Variants in SDK1 observed in about 807,000 individuals in gnomAD.
SDK1 encodes protein sidekick-1.
SDK1 carries 157 observed loss-of-function variants against 245.5 expected under a neutral mutation model. The ratio of observed to expected loss-of-function variants is 0.64; its 90% confidence interval spans 0.56 to 0.73. The LOEUF (loss-of-function observed/expected upper bound fraction) is 0.73. Ranked by LOEUF, SDK1 falls within the 30% of genes least tolerant of loss-of-function variation. The pLI, the probability that SDK1 is intolerant of heterozygous loss-of-function variation, is 0.00. For missense variants in SDK1, 3,583 were observed against 3,002.3 expected (o/e 1.19, Z -4.52); for synonymous variants, 1,647 against 1,278.5 (o/e 1.29, Z -6.15).
At chr7:3,932,250 TAGG>T (rs1268848490) in intron 5 of SDK1, among the ~76,000 whole-genome samples, 1 of 152,212 alleles carries the variant, frequency 6.6e-6, no homozygotes, top group Non-Finnish European at 1.5e-5. Context: ...GTGAGTATCT[TAGG>T]AGGGATCTTA....
chr7:3,604,343 G>T (rs1181927019), intron 1 of SDK1, among the ~76,000 whole-genome samples: 1 of 151,994 alleles, frequency 6.6e-6, no homozygotes, highest in Non-Finnish European at 1.5e-5. Context: ...CCTTTTTACT[G>T]ATTCTGCTCT....
chr7:4,008,474 C>G (rs1785672216), intron 14 of SDK1, among the ~76,000 whole-genome samples: 1 of 152,264 alleles, frequency 6.6e-6, no homozygotes, highest in African/African-American at 2.4e-5. Flanking sequence ...AGTCCTGCCC[C>G]TGTACCCTTT....
intron 1 of SDK1, among the ~76,000 whole-genome samples, chr7:3,335,639 G>C (rs909897211): frequency 6.6e-6 from 1 of 152,144 alleles, no homozygotes; most frequent in Non-Finnish European, 1.5e-5. Context: ...GTAAGAAATA[G>C]TAGTAAAATA....
intron 5 of SDK1, among the ~76,000 whole-genome samples, chr7:3,887,264 C>T (rs1053197734): frequency 6.6e-5 from 10 of 152,118 alleles, no homozygotes; most frequent in Non-Finnish European, 1.0e-4. Context: ...GTGCTTGGAC[C>T]TTTCACTAAT....
intron 1 of SDK1, among the ~76,000 whole-genome samples, chr7:3,615,220 C>T (rs1353202626): frequency 1.3e-5 from 2 of 151,460 alleles, no homozygotes; most frequent in Non-Finnish European, 3.0e-5. Context: ...GTGCAAATGG[C>T]CAGACATTAA....
intron 35 of SDK1, among the ~76,000 whole-genome samples, chr7:4,190,401 C>T (rs1013289241): frequency 8.5e-5 from 13 of 152,220 alleles, no homozygotes; most frequent in African/African-American, 3.1e-4. Flanking sequence ...TGGTCACCAT[C>T]CCCTGGGTGG....
chr7:4,165,215 C>A (rs573018860), intron 32 of SDK1, among the ~76,000 whole-genome samples: 2 of 151,904 alleles, frequency 1.3e-5, no homozygotes, highest in Non-Finnish European at 2.9e-5. Flanking sequence ...AAAAATTAGC[C>A]GGGCGTGGTG....
At chr7:3,631,805 C>T (rs749869733) in intron 2 of SDK1, among the ~76,000 whole-genome samples, 1 of 152,166 alleles carries the variant, frequency 6.6e-6, no homozygotes, top group Non-Finnish European at 1.5e-5. Context: ...AAGTGAAGAC[C>T]TTGCCAGAAT....
At chr7:3,960,436 T>C (rs1034532491) in intron 8 of SDK1, among the ~76,000 whole-genome samples, 5 of 152,380 alleles carry the variant, frequency 3.3e-5, no homozygotes, top group Non-Finnish European at 5.9e-5. Context: ...AAATGCCATT[T>C]GTCCATACCT....
chr7:4,205,531 G>A (rs964813645), intron 35 of SDK1, among the ~76,000 whole-genome samples: 1 of 152,136 alleles, frequency 6.6e-6, no homozygotes, highest in Non-Finnish European at 1.5e-5. Flanking sequence ...CGTGGATTAC[G>A]ATCTCATACC....
rs374209439 is a variant in SDK1, at chr7:3,805,062, T to C, written c.714-16388T>C. On this transcript the variant is annotated intron_variant, in intron 4 of 44. Coordinates refer to ENST00000404826, the MANE Select transcript of SDK1 (RefSeq NM_152744.4). ...AAAAGAAAAAAAATACATGAGGTAATGTATGGTTAATTAGTTTGATTTCAC... is the reference window on the plus strand; with the variant it reads ...AAAAGAAAAAAAATACATGAGGTAACGTATGGTTAATTAGTTTGATTTCAC... Among the ~76,000 whole-genome samples, 21 of 152,354 alleles carry C rather than the reference T, an allele frequency of 1.4e-4. No homozygotes were observed. The East Asian group carries it at 4.0e-3, about 29-fold the overall frequency.
intron 5 of SDK1, among the ~76,000 whole-genome samples, chr7:3,915,962 T>C (rs768646620): frequency 4.5e-4 from 69 of 152,360 alleles, no homozygotes; most frequent in Admixed American, 1.9e-3. Context: ...TCTATCCTTT[T>C]ACTTCCCTAA....
At position 3,354,023 on chromosome 7, in the gene SDK1, C is replaced by T. The variant is rs144355429; in HGVS notation, c.298+52139C>T. On this transcript the variant is annotated intron_variant, in intron 1 of 44. Coordinates refer to ENST00000404826, the MANE Select transcript of SDK1 (RefSeq NM_152744.4). ...TTTTTTTTTTTTTGGGACAGACTCTCGCTCTGTTGCCCAGGCTGGAGTGCA... is the reference window on the plus strand; with the variant it reads ...TTTTTTTTTTTTTGGGACAGACTCTTGCTCTGTTGCCCAGGCTGGAGTGCA... Among the ~76,000 whole-genome samples, 1,147 of 149,792 alleles carry T rather than the reference C, an allele frequency of 7.7e-3. 8 individuals are homozygous for T. The highest frequency in any genetic ancestry group is 0.012 in the Non-Finnish European group (785 of 67,566).
chr7:3,766,454 T>A (rs1780255654), intron 4 of SDK1, among the ~76,000 whole-genome samples: 1 of 152,198 alleles, frequency 6.6e-6, no homozygotes, highest in South Asian at 2.1e-4. Context: ...ACCAGTCACT[T>A]CCTTGTATGC....
intron 22 of SDK1, 94 bp from the exon 23 acceptor site, chr7:4,110,569 C>T: frequency 1.1e-6 from 1 of 876,800 alleles, no homozygotes; most frequent in Non-Finnish European, 1.9e-6. Flanking sequence ...CAGCCCTGCC[C>T]AGCTCACCAG....
At chr7:3,633,591 TTTTG>T (rs1299245240) in intron 2 of SDK1, among the ~76,000 whole-genome samples, 6 of 152,186 alleles carry the variant, frequency 3.9e-5, no homozygotes, top group Non-Finnish European at 7.3e-5. Context: ...AGCCATGTTT[TTTTG>T]TTTATTTTTT....
At chr7:4,262,465 GA>G (rs919018234) in intron 44 of SDK1, among the ~76,000 whole-genome samples, 71 of 144,692 alleles carry the variant, frequency 4.9e-4, no homozygotes, top group African/African-American at 1.4e-3. Flanking sequence ...TTATAAAAAG[GA>G]AAAAAAAAAG....
chr7:4,255,276 C>G (rs906086767), intron 44 of SDK1, among the ~76,000 whole-genome samples: 1 of 152,216 alleles, frequency 6.6e-6, no homozygotes, highest in Admixed American at 6.5e-5. Flanking sequence ...TGCTCTGTTC[C>G]AAATAAAGTC....
intron 5 of SDK1, among the ~76,000 whole-genome samples, chr7:3,866,184 A>G (rs17133943): frequency 0.026 from 3,964 of 152,338 alleles, 211 homozygotes; most frequent in African/African-American, 0.091. Context: ...ATTGAGCCTT[A>G]CTTTGGTCTC....
Sources: gnomAD v4.1 joint callset for allele counts (sites outside exome capture counted in the v4.1 genomes callset) on GRCh38, gnomAD v4.1.1 for gene constraint, MANE v1.5 for transcripts, NCBI Gene and HGNC (gene_info 2026-07-23, HGNC 2026-07-21) for gene names.